Variants in CDH13 observed in about 807,000 individuals in gnomAD.
The protein encoded by CDH13 is cadherin 13.
Under a neutral mutation model 63.8 loss-of-function variants are expected in CDH13, and 24 were observed. The ratio of observed to expected loss-of-function variants is 0.38; its 90% CI spans 0.27 to 0.53. CDH13 has a LOEUF of 0.53. CDH13 is among the 20% of genes least tolerant of loss of function. The pLI is 0.85. For missense variants in CDH13, 1,049 were observed against 903.1 expected, an observed-to-expected ratio of 1.16 and a Z score of -2.07; for synonymous variants, 503 against 355.3, an observed-to-expected ratio of 1.42 and a Z score of -4.67.
chr16:83,083,664 C>G (rs749770609), intron 3 of CDH13, among the ~76,000 whole-genome samples: 1 of 152,154 alleles, frequency 6.6e-6, no homozygotes, highest in African/African-American at 2.4e-5. Flanking sequence ...CAGAGAAACT[C>G]GATAGAACTA....
chr16:82,806,363 A>G (rs769988302), intron 1 of CDH13, among the ~76,000 whole-genome samples: 8 of 152,164 alleles, frequency 5.3e-5, no homozygotes, highest in Non-Finnish European at 1.2e-4. Context: ...TTCCCTGTCT[A>G]CCATTGAAGG....
At chr16:82,627,644 G>C (rs534907488) in intron 1 of CDH13, among the ~76,000 whole-genome samples, 100 of 152,208 alleles carry the variant, frequency 6.6e-4, no homozygotes, top group Non-Finnish European at 1.1e-3. Flanking sequence ...CAGGGCGCCC[G>C]GGCCCCCTGG....
At chr16:82,691,544 C>G (rs994901712) in intron 1 of CDH13, among the ~76,000 whole-genome samples, 2 of 152,278 alleles carry the variant, frequency 1.3e-5, no homozygotes, top group South Asian at 2.1e-4. Context: ...CCTTCTCTGT[C>G]TCACTTACTA....
Position 83,491,387 on chromosome 16 carries a change from A to G in CDH13, c.960+4732A>G, listed in dbSNP as rs532366765. 5.3e-5 allele frequency among the ~76,000 whole-genome samples: 8 copies of G among 152,298 alleles called. No individual in the cohort carries two copies. In the South Asian group the frequency reaches 1.0e-3, roughly 20 times the overall value. On this transcript the variant is annotated intron_variant, in intron 7 of 13. Coordinates refer to ENST00000567109, the MANE Select transcript of CDH13 (RefSeq NM_001257.5). The stretch of plus-strand genomic sequence containing the variant: ...CCCCCCATTTCTGGCATCTCTGTCT[A>G]TGTTTTTAAACTATGTCTGGCTGCA...
In CDH13 at chr16:83,101,436, CA is replaced by C. The variant is rs201355615; in HGVS notation, c.367-23938del. ...TTAGTATGTTAGATTGTGATATTGC[CA>C]AAAAAAAAAAGAGTAAAATAAAGCA... On this transcript the variant is annotated intron_variant, in intron 3 of 13. Coordinates refer to ENST00000567109, the MANE Select transcript of CDH13 (RefSeq NM_001257.5). Among the ~76,000 whole-genome samples, 1,224 of 135,258 alleles carry C rather than the reference CA, an allele frequency of 9.0e-3. 6 individuals carry two copies. Among genetic ancestry groups the C allele is most frequent in the Admixed American group, 0.012 (165 of 13,370 alleles). 88.7% of individuals were successfully genotyped at this position (135,258 alleles called of 152,430 possible). A position where few individuals can be genotyped will look rare whatever the true frequency, so the allele number is the denominator to read the frequency against.
At chr16:83,115,872 G>A (rs781529957) in intron 3 of CDH13, among the ~76,000 whole-genome samples, 8 of 152,210 alleles carry the variant, frequency 5.3e-5, no homozygotes, top group Non-Finnish European at 1.0e-4. Flanking sequence ...GTCCAGGAGG[G>A]CAGAAAGAGG....
chr16:83,356,353 C>G (rs1342372095), intron 6 of CDH13, among the ~76,000 whole-genome samples: 1 of 151,734 alleles, frequency 6.6e-6, no homozygotes, highest in African/African-American at 2.4e-5. Flanking sequence ...GCAGCCCATC[C>G]TTACTGGTGG....
rs1206235249 is a variant in CDH13, at chr16:83,330,253, A to C, written c.637-14609A>C. Among the ~76,000 whole-genome samples, 3 of 152,190 alleles carry C rather than the reference A, an allele frequency of 2.0e-5. No homozygotes were observed. In the South Asian group the frequency reaches 6.2e-4, roughly 31 times the overall value. On this transcript the variant is annotated intron_variant, in intron 5 of 13. Coordinates refer to ENST00000567109, the MANE Select transcript of CDH13 (RefSeq NM_001257.5). ...CACAGGTGCAAGTAAAACTAAGGAA[A>C]TCTGGATACCAGAATTGTATAAATG...
rs1478775460 is a variant in CDH13, at chr16:83,678,219, T to C, written c.1296T>C (p.Tyr432=). 8 of 1,611,856 alleles carry C rather than the reference T, an allele frequency of 5.0e-6. No homozygotes were observed. The highest frequency in any genetic ancestry group is 6.8e-6 in the Non-Finnish European group (8 of 1,178,106). Residue 432 remains tyrosine (Y), a synonymous_variant, in exon 10 of 14, where the codon TAT becomes TAC. Coordinates refer to ENST00000567109, the MANE Select transcript of CDH13 (RefSeq NM_001257.5). ...GMLSVVKPLD[Y]EISAFHTLLI... ...TGTCTGCTTTCCAGCCATTGGACTATGAAATTTCTGCCTTCCACACCCTGC... is the reference window on the plus strand; with the variant it reads ...TGTCTGCTTTCCAGCCATTGGACTACGAAATTTCTGCCTTCCACACCCTGC...
At chr16:82,736,104 C>T (rs2033659651) in intron 1 of CDH13, among the ~76,000 whole-genome samples, 1 of 152,178 alleles carries the variant, frequency 6.6e-6, no homozygotes, top group Non-Finnish European at 1.5e-5. Flanking sequence ...CCAAACTAGT[C>T]AGTAAGCTGC....
At position 83,796,919 on chromosome 16, in the gene CDH13, G is replaced by A. The variant is rs1904284301; in HGVS notation, c.*1889G>A. 6.6e-6 allele frequency: 1 copy of A among 152,170 alleles called. No homozygotes were observed. The highest frequency in any genetic ancestry group is 2.4e-5 in the African/African-American group (1 of 41,436). 9.4% of individuals were successfully genotyped at this position (152,170 alleles called of 1,614,324 possible). ...ATCTGTCAACAGTCCCAAGACCTGG[G>A]GATTTTTCTCTGGAACAAATCCTGT... is the stretch of plus-strand genomic sequence containing the variant. On this transcript the variant is annotated 3_prime_UTR_variant, in exon 14 of 14. Coordinates refer to ENST00000567109, the MANE Select transcript of CDH13 (RefSeq NM_001257.5).
intron 2 of CDH13, among the ~76,000 whole-genome samples, chr16:83,015,217 G>A (rs1173659867): frequency 1.3e-5 from 2 of 151,766 alleles, no homozygotes; most frequent in Non-Finnish European, 2.9e-5. Flanking sequence ...CACTTCAGTT[G>A]ATTCCATTTT....
At chr16:83,256,231 C>A (rs1025168362) in intron 5 of CDH13, among the ~76,000 whole-genome samples, 4 of 151,996 alleles carry the variant, frequency 2.6e-5, no homozygotes, top group Non-Finnish European at 5.9e-5. Context: ...TGGGATTTTG[C>A]CATGTTGCCC....
At chr16:83,488,821 C>T (rs568101880) in intron 7 of CDH13, among the ~76,000 whole-genome samples, 29 of 152,220 alleles carry the variant, frequency 1.9e-4, no homozygotes, top group African/African-American at 6.5e-4. Flanking sequence ...GATGGGGTTT[C>T]ACTATATTGG....
intron 6 of CDH13, among the ~76,000 whole-genome samples, chr16:83,388,991 C>T (rs183927900): frequency 9.2e-5 from 14 of 152,264 alleles, no homozygotes; most frequent in Non-Finnish European, 1.5e-4. Context: ...TTGTGAAAAA[C>T]CCATTCCCAG....
chr16:82,714,051 G>A (rs1028546500), intron 1 of CDH13, among the ~76,000 whole-genome samples: 6 of 151,964 alleles, frequency 3.9e-5, no homozygotes, highest in Non-Finnish European at 8.8e-5. Context: ...CACCTGTCTC[G>A]GCCTTCCAAA....
chr16:82,902,380 G>T (rs1468799832), intron 2 of CDH13, among the ~76,000 whole-genome samples: 1 of 147,310 alleles, frequency 6.8e-6, no homozygotes, highest in Non-Finnish European at 1.5e-5. Context: ...AATGAAGCCA[G>T]GTTAGGAGAA....
At chr16:82,826,921 G>A (rs2038283017) in intron 1 of CDH13, among the ~76,000 whole-genome samples, 1 of 152,182 alleles carries the variant, frequency 6.6e-6, no homozygotes, top group African/African-American at 2.4e-5. Context: ...TCGACTCTCA[G>A]GGGACTTGGG....
chr16:83,735,117 C>T (rs1466482039), intron 10 of CDH13, among the ~76,000 whole-genome samples: 1 of 152,130 alleles, frequency 6.6e-6, no homozygotes, highest in Non-Finnish European at 1.5e-5. Context: ...AGGCTAGTCT[C>T]ACAGTGAACA....
Sources: allele counts gnomAD v4.1 joint callset (sites outside exome capture counted in the v4.1 genomes callset), GRCh38; gene constraint gnomAD v4.1.1; transcripts MANE v1.5; gene names NCBI Gene and HGNC (gene_info 2026-07-23, HGNC 2026-07-21).